COL4A5: variants seen among roughly 807,000 people sequenced by gnomAD.
COL4A5 encodes collagen alpha-5(IV) chain.
COL4A5 carries 26 observed loss-of-function variants against 130.2 expected under a neutral mutation model. The ratio of observed to expected loss-of-function variants is 0.20; its 90% CI spans 0.15 to 0.28. COL4A5 has a LOEUF of 0.28. COL4A5 is among the 10% of genes least tolerant of loss of function. COL4A5 has a pLI of 1.00. For missense variants in COL4A5, 1,131 were observed against 1,344.3 expected (o/e 0.84, Z 2.48); for synonymous variants, 496 against 439.6 (o/e 1.13, Z -1.60).
rs750945137 is a variant in COL4A5, at chrX:108,696,429, A to T, written c.*51A>T. The T allele has an allele frequency of 1.1e-4, 113 of 983,700 alleles. No homozygotes were observed. Among genetic ancestry groups the T allele is most frequent in the South Asian group, 4.2e-4 (20 of 47,910 alleles). The allele number at this position is 983,700 out of a possible 1,213,427, so 81.1% of individuals were successfully genotyped here. A position where few individuals can be genotyped will look rare whatever the true frequency, so the allele number is the denominator to read the frequency against. ...TTAAAATGTGATATATATATATATAAAATTCCTAGGATGCAGTGTCTCATT... is the reference window on the plus strand; with the variant it reads ...TTAAAATGTGATATATATATATATATAATTCCTAGGATGCAGTGTCTCATT... On this transcript the variant is annotated 3_prime_UTR_variant, in exon 53 of 53. Transcript: ENST00000328300.
At chrX:108,651,476 T>C (rs2067727240) in intron 36 of COL4A5, among the ~76,000 whole-genome samples, 3 of 112,062 alleles carry the variant, frequency 2.7e-5, no homozygotes, top group South Asian at 3.7e-4. Flanking sequence ...AATCCTGAGA[T>C]TTGATGAACA....
chrX:108,617,174 T>C (rs1022173040), intron 30 of COL4A5, among the ~76,000 whole-genome samples: 10 of 111,204 alleles, frequency 9.0e-5, no homozygotes, highest in African/African-American at 2.6e-4. Flanking sequence ...AAATTTTACT[T>C]ACATCACCAA....
At chrX:108,587,137 T>C (rs185905444) in intron 19 of COL4A5, among the ~76,000 whole-genome samples, 4 of 111,693 alleles carry the variant, frequency 3.6e-5, no homozygotes, top group African/African-American at 1.3e-4. Context: ...AAATCTTCTC[T>C]TCTAGCTGTT....
chrX:108,539,185 A>G (rs1046469698), intron 1 of COL4A5, among the ~76,000 whole-genome samples: 8 of 111,463 alleles, frequency 7.2e-5, no homozygotes, highest in Non-Finnish European at 1.3e-4. Flanking sequence ...TGTTAGAAGA[A>G]AAAAAGGAGA....
intron 10 of COL4A5, among the ~76,000 whole-genome samples, chrX:108,577,337 A>T (rs1485436891): frequency 1.0e-5 from 1 of 96,299 alleles, no homozygotes; most frequent in Non-Finnish European, 2.0e-5. Context: ...GTTCCATTGC[A>T]CTCCAGCCTG....
In COL4A5 at chrX:108,666,544, A is replaced by T. The variant is rs1256002376; in HGVS notation, c.3503A>T (p.Lys1168Ile). 1 of 1,209,267 alleles carries T rather than the reference A, an allele frequency of 8.3e-7. No individual in the cohort carries two copies. The highest frequency in any genetic ancestry group is 2.2e-5 in the Admixed American group (1 of 45,930). The part of the protein sequence containing the change: ...GQPGPPGEKG[K>I]PGQDGIPGPA... ...CCAGGGCCTCCAGGCGAAAAAGGCA[A>T]ACCCGGTCAAGATGGTATTCCTGGA... The change falls in exon 39 of 53, where the codon AAA becomes ATA. Residue 1168 changes from lysine to isoleucine, a missense_variant. Physicochemically the swap from Lys to Ile is moderately radical, Grantham distance 102 (BLOSUM62 -3). Transcript: ENST00000328300.
intron 1 of COL4A5, among the ~76,000 whole-genome samples, chrX:108,444,355 G>A (rs2064432192): frequency 9.1e-6 from 1 of 110,133 alleles, no homozygotes; most frequent in African/African-American, 3.3e-5. Flanking sequence ...AAGTAGCTGG[G>A]ACTACAGGTG....
intron 24 of COL4A5, among the ~76,000 whole-genome samples, chrX:108,598,143 A>G (rs2066554660): frequency 9.0e-6 from 1 of 111,045 alleles, no homozygotes; most frequent in Non-Finnish European, 1.9e-5. Context: ...GTGAGCCGAG[A>G]TTGCACCACT....
chrX:108,540,864 T>G (rs1298523913), intron 2 of COL4A5, among the ~76,000 whole-genome samples: 1 of 112,493 alleles, frequency 8.9e-6, no homozygotes, highest in Non-Finnish European at 1.9e-5. Flanking sequence ...TGAATGACAT[T>G]AATATTATCA....
chrX:108,565,324 AATGAACCCCC>A (rs1409294558), intron 4 of COL4A5, among the ~76,000 whole-genome samples: 1 of 111,890 alleles, frequency 8.9e-6, no homozygotes, highest in African/African-American at 3.2e-5. Context: ...CATATAGTAT[AATGAACCCCC>A]ATGAACCCAT....
chrX:108,561,677 G>A (rs1237870287), intron 3 of COL4A5, among the ~76,000 whole-genome samples: 1 of 110,977 alleles, frequency 9.0e-6, no homozygotes, highest in Non-Finnish European at 1.9e-5. Flanking sequence ...TATGATGGTG[G>A]TACATCATGT....
intron 1 of COL4A5, among the ~76,000 whole-genome samples, chrX:108,441,793 T>C: frequency 8.9e-6 from 1 of 112,031 alleles, no homozygotes. Flanking sequence ...TGATTAAATA[T>C]ATATATGTTT....
At chrX:108,521,912 A>G (rs2065268815) in intron 1 of COL4A5, among the ~76,000 whole-genome samples, 1 of 111,234 alleles carries the variant, frequency 9.0e-6, no homozygotes, top group East Asian at 2.8e-4. Flanking sequence ...TCAATTTTAG[A>G]TTTTTTATCA....
intron 2 of COL4A5, among the ~76,000 whole-genome samples, chrX:108,541,752 A>G (rs1169443246): frequency 8.9e-6 from 1 of 112,538 alleles, no homozygotes; most frequent in Non-Finnish European, 1.9e-5. Context: ...GCAATAACTG[A>G]GCATAGATTT....
intron 1 of COL4A5, among the ~76,000 whole-genome samples, chrX:108,528,157 C>T (rs1359328257): frequency 4.5e-5 from 5 of 112,042 alleles, no homozygotes; most frequent in Non-Finnish European, 9.4e-5. Context: ...GTGCCACCAC[C>T]GCAGCCTTAA....
intron 2 of COL4A5, among the ~76,000 whole-genome samples, chrX:108,542,270 A>G: frequency 2.5e-5 from 1 of 40,367 alleles, no homozygotes; most frequent in East Asian, 7.2e-4. Flanking sequence ...CCCCCACCCC[A>G]CAACAGGCCC....
intron 29 of COL4A5, 71 bp from the exon 30 acceptor site, chrX:108,614,840 A>G: frequency 1.4e-6 from 1 of 734,633 alleles, no homozygotes; most frequent in Non-Finnish European, 2.1e-6. Context: ...CTTGCTTAAT[A>G]TGATATGGTT....
chrX:108,597,018 C>G lies in COL4A5; in HGVS notation c.1537C>G (p.Gln513Glu). Residue 513 changes from glutamine to glutamate, a missense_variant, in exon 23 of 53, where the codon CAG becomes GAG. Coordinates refer to ENST00000328300, the MANE Select transcript of COL4A5 (RefSeq NM_033380.3). ...GTTAGGATCTCTTGGTTTCCCTGGA[C>G]AGAAAGGGGAAAAAGGACAAGCTGG... Reference protein sequence around the residue: ...GPPGSLGFPGQKGEKGQAGAT... With the variant: ...GPPGSLGFPGEKGEKGQAGAT... The G allele has an allele frequency of 8.4e-7, 1 of 1,187,143 alleles. No individual in the cohort carries two copies. Among genetic ancestry groups the G allele is most frequent in the Non-Finnish European group, 1.1e-6 (1 of 881,378 alleles).
intron 35 of COL4A5, 86 bp from the exon 36 acceptor site, chrX:108,626,124 A>C (rs1363764428): frequency 3.1e-6 from 3 of 966,009 alleles, no homozygotes; most frequent in Non-Finnish European, 4.3e-6. Flanking sequence ...CTTTTTAAAA[A>C]TCTTTTTGCT....
Sources: allele counts gnomAD v4.1 joint callset (sites outside exome capture counted in the v4.1 genomes callset), GRCh38; gene constraint gnomAD v4.1.1; transcripts MANE v1.5; gene names NCBI Gene and HGNC (gene_info 2026-07-23, HGNC 2026-07-21).